The following ROBO1 variants were observed in gnomAD, a reference collection of about 807,000 sequenced individuals.
The protein encoded by ROBO1 is roundabout homolog 1.
ROBO1 carries 149 observed loss-of-function variants against 195.9 expected under a neutral mutation model. The ratio of observed to expected loss-of-function variants is 0.76; its 90% CI spans 0.67 to 0.87. The LOEUF is 0.87. ROBO1 is among the 40% of genes least tolerant of loss of function. The pLI, the probability that ROBO1 is intolerant of heterozygous loss-of-function variation, is 0.00. For missense variants in ROBO1, 1,933 were observed against 2,068.3 expected, an observed-to-expected ratio of 0.93 and a Z score of 1.27; for synonymous variants, 816 against 733.2, an observed-to-expected ratio of 1.11 and a Z score of -1.82.
At chr3:78,744,892 T>C (rs572220640) in intron 5 of ROBO1, among the ~76,000 whole-genome samples, 2 of 152,314 alleles carry the variant, frequency 1.3e-5, no homozygotes, top group East Asian at 3.9e-4. Context: ...TTATAGGATT[T>C]ATTATAGTTT....
intron 2 of ROBO1, among the ~76,000 whole-genome samples, chr3:79,141,951 G>T: frequency 6.6e-6 from 1 of 151,610 alleles, no homozygotes. Flanking sequence ...TTACTCTGTG[G>T]ATTCTCAGAC....
intron 3 of ROBO1, among the ~76,000 whole-genome samples, chr3:79,048,100 C>T (rs904339675): frequency 2.0e-5 from 3 of 152,044 alleles, no homozygotes; most frequent in African/African-American, 4.8e-5. Flanking sequence ...TATATGGTTA[C>T]CTTGCAACCT....
At chr3:79,047,327 A>T (rs2078613209) in intron 3 of ROBO1, among the ~76,000 whole-genome samples, 1 of 152,136 alleles carries the variant, frequency 6.6e-6, no homozygotes, top group Non-Finnish European at 1.5e-5. Flanking sequence ...CTTGCTGCTT[A>T]TAATAAAATG....
intron 2 of ROBO1, among the ~76,000 whole-genome samples, chr3:79,471,113 G>A (rs1383225177): frequency 6.6e-6 from 1 of 152,018 alleles, no homozygotes; most frequent in East Asian, 1.9e-4. Context: ...GGCAGAAGAA[G>A]GAAACTGCAC....
rs181846806 is a variant in ROBO1 at position 78,598,094 on chromosome 3, A to G, written c.*819T>C. On this transcript the variant is annotated 3_prime_UTR_variant, in exon 31 of 31. Transcript: ENST00000464233. The stretch of plus-strand genomic sequence containing the variant: ...AGTTAAGACAGGGATGTTCTTACTC[A>G]ATTGGTCATTAAAAACATCCACTTG... 6.5e-5 allele frequency: 10 copies of G among 152,718 alleles called. No individual in the cohort carries two copies. The East Asian group carries it at 1.9e-3, about 30-fold the overall frequency. 9.5% of individuals were successfully genotyped at this position (152,718 alleles called of 1,614,324 possible). A position where few individuals can be genotyped will look rare whatever the true frequency, so the allele number is the denominator to read the frequency against.
chr3:78,885,940 T>TATATATATAC (rs1043908565), intron 4 of ROBO1, among the ~76,000 whole-genome samples: 7 of 140,806 alleles, frequency 5.0e-5, no homozygotes, highest in African/African-American at 1.3e-4. Flanking sequence ...TATATATATA[T>TATATATATAC]ACATACATAT....
chr3:79,363,511 A>G (rs2035851593), intron 2 of ROBO1, among the ~76,000 whole-genome samples: 1 of 152,244 alleles, frequency 6.6e-6, no homozygotes, highest in Non-Finnish European at 1.5e-5. Flanking sequence ...TTTAGGAACA[A>G]AAGTGAATTA....
chr3:78,626,271 C>T (rs1302093182), intron 26 of ROBO1, among the ~76,000 whole-genome samples: 4 of 152,110 alleles, frequency 2.6e-5, no homozygotes, highest in Non-Finnish European at 4.4e-5. Flanking sequence ...TCTCAATTTT[C>T]GTAACATTCC....
chr3:79,522,492 G>T (rs1941250184), intron 2 of ROBO1, among the ~76,000 whole-genome samples: 1 of 152,068 alleles, frequency 6.6e-6, no homozygotes, highest in Non-Finnish European at 1.5e-5. Context: ...TGAAATCCTG[G>T]AGTCATCATT....
intron 8 of ROBO1, among the ~76,000 whole-genome samples, 196 bp downstream of exon 8, chr3:78,714,201 T>C (rs539924748): frequency 2.6e-5 from 4 of 152,336 alleles, no homozygotes; most frequent in African/African-American, 9.6e-5. Context: ...CAACATTTAA[T>C]TCAATTTCCT....
intron 1 of ROBO1, among the ~76,000 whole-genome samples, chr3:79,681,083 T>A (rs1946932513): frequency 6.6e-6 from 1 of 151,992 alleles, no homozygotes; most frequent in Admixed American, 6.6e-5. Context: ...TCACCTTGTG[T>A]AGTTTAGAAG....
chr3:79,266,936 T>C (rs1301713491), intron 2 of ROBO1, among the ~76,000 whole-genome samples: 1 of 151,602 alleles, frequency 6.6e-6, no homozygotes, highest in Non-Finnish European at 1.5e-5. Flanking sequence ...TTAATATATT[T>C]TGAAGTTTCT....
In ROBO1 at chr3:79,292,997, G is replaced by A. The variant is rs774813429; in HGVS notation, c.89-167458C>T. 1.4e-4 allele frequency among the ~76,000 whole-genome samples: 21 copies of A among 152,248 alleles called. No individual in the cohort carries two copies. The South Asian group carries it at 1.9e-3, about 14-fold the overall frequency. On this transcript the variant is annotated intron_variant, in intron 2 of 30. Transcript: ENST00000464233. ...TCTGGTAGAATTTGGCTGTGAATCC[G>A]TCTGGTCCTTCGCTTTTTTTGGTTG...
chr3:79,503,297 A>G (rs1203646354), intron 2 of ROBO1, among the ~76,000 whole-genome samples: 1 of 152,188 alleles, frequency 6.6e-6, no homozygotes, highest in African/African-American at 2.4e-5. Flanking sequence ...GAAGATCACG[A>G]ACCCACCAGA....
intron 4 of ROBO1, among the ~76,000 whole-genome samples, chr3:78,936,443 T>A (rs891597049): frequency 2.6e-5 from 4 of 152,106 alleles, no homozygotes; most frequent in Admixed American, 6.6e-5. Flanking sequence ...TTTTGAAATA[T>A]GACTTTATCA....
chr3:78,939,557 G>A (rs1044089419), intron 3 of ROBO1, among the ~76,000 whole-genome samples: 2 of 151,020 alleles, frequency 1.3e-5, no homozygotes, highest in African/African-American at 4.9e-5. Flanking sequence ...GGCGGAGCTT[G>A]CAGTGAGCCG....
At chr3:78,739,260 T>C (rs1309444443) in intron 5 of ROBO1, among the ~76,000 whole-genome samples, 1 of 152,180 alleles carries the variant, frequency 6.6e-6, no homozygotes, top group African/African-American at 2.4e-5. Flanking sequence ...TTATACTGTG[T>C]TGCTAATGTG....
At chr3:78,654,570 T>C (rs558774016) in intron 18 of ROBO1, among the ~76,000 whole-genome samples, 3 of 152,252 alleles carry the variant, frequency 2.0e-5, no homozygotes, top group South Asian at 4.1e-4. Context: ...CCTCAGATAA[T>C]ATGGAAACAG....
At chr3:79,750,034 GC>G (rs942619557) in intron 1 of ROBO1, among the ~76,000 whole-genome samples, 2 of 152,212 alleles carry the variant, frequency 1.3e-5, no homozygotes, top group Admixed American at 6.5e-5. Flanking sequence ...CATAAAAGCA[GC>G]CAGGAGGGAG....
Sources: gnomAD v4.1 joint callset for allele counts (sites outside exome capture counted in the v4.1 genomes callset) on GRCh38, gnomAD v4.1.1 for gene constraint, MANE v1.5 for transcripts, NCBI Gene and HGNC (gene_info 2026-07-23, HGNC 2026-07-21) for gene names.